Variants in TRPM5 observed in about 807,000 individuals in gnomAD.
The protein encoded by TRPM5 is transient receptor potential cation channel subfamily M member 5.
TRPM5 carries 121 observed loss-of-function variants against 124.9 expected under a neutral mutation model. That is an observed-to-expected ratio of 0.97 (90% CI 0.84 to 1.13). TRPM5 has a LOEUF of 1.13. TRPM5 is among the 50% of genes most tolerant of loss of function. The pLI, the probability that TRPM5 is intolerant of heterozygous loss-of-function variation, is 0.00. For missense variants in TRPM5, 1,643 were observed against 1,589.1 expected (o/e 1.03, Z -0.58); for synonymous variants, 781 against 700.5 (o/e 1.11, Z -1.81).
upstream of TRPM5, among the ~76,000 whole-genome samples, chr11:2,426,559 G>T (rs999225850): frequency 1.3e-5 from 2 of 152,064 alleles, no homozygotes; most frequent in Non-Finnish European, 2.9e-5. Context: ...CGGTGAAGGC[G>T]CTGGGGCTCC....
Position 2,412,825 on chromosome 11 carries a change from G to A in TRPM5, c.2284C>T (p.Gln762Ter), listed in dbSNP as rs927289304. The change falls in exon 15 of 24, where the codon CAG becomes TAG. Residue 762 changes from glutamine (Q) to a stop codon, truncating the protein, a stop_gained. Coordinates refer to ENST00000155858, the Ensembl canonical transcript of TRPM5. LOFTEE classifies it high-confidence loss of function. The stretch of plus-strand genomic sequence containing the variant: ...GTGACCTCGGGCCCTGAGGGGCCCT[G>A]GGGGGGCGGCCTGAAGTCCACCAGC... 9.4e-6 allele frequency: 15 copies of A among 1,603,130 alleles called. No individual in the cohort carries two copies. Among genetic ancestry groups the A allele is most frequent in the Non-Finnish European group, 1.3e-5 (15 of 1,175,400 alleles).
chr11:2,436,902 C>G, the TRPM5 span, among the ~76,000 whole-genome samples: 3 of 152,334 alleles, frequency 2.0e-5, no homozygotes, highest in Middle Eastern at 3.4e-3. Flanking sequence ...GCCAGAAGCA[C>G]CCCGCTCGCC....
chr11:2,411,773 G>T lies in TRPM5; in HGVS notation c.2475-6C>A, dbSNP rs752223337. On this transcript the variant is annotated splice_polypyrimidine_tract_variant and splice_region_variant and intron_variant, in intron 16 of 23. Transcript: ENST00000155858. Reference sequence around the variant, plus strand: ...CAAACGCCGACGGCAGCATCCTGGAGGATGGGAGGCTGATGCGGCTGCGGG... The same window carrying T: ...CAAACGCCGACGGCAGCATCCTGGATGATGGGAGGCTGATGCGGCTGCGGG... The T allele has an allele frequency of 1.2e-6, 2 of 1,612,416 alleles. No homozygotes were observed. Among genetic ancestry groups the T allele is most frequent in the East Asian group, 2.2e-5 (1 of 44,862 alleles).
At chr11:2,425,674 C>T (rs80194575), upstream of TRPM5, among the ~76,000 whole-genome samples, 1 of 99,830 alleles carries the variant, frequency 1.0e-5, no homozygotes, top group Non-Finnish European at 2.1e-5. Context: ...TTCACTCCCA[C>T]CAGGCCCTGC....
intron 16 of TRPM5, 130 bp downstream of exon 21, chr11:2,412,005 G>T: frequency 2.1e-6 from 2 of 939,490 alleles, no homozygotes; most frequent in South Asian, 1.5e-5. Flanking sequence ...TGGCTCAAGT[G>T]ACCCACCCAC....
intron 22 of TRPM5, 34 bp downstream of exon 27, chr11:2,405,985 C>A (rs368315684): frequency 1.9e-6 from 3 of 1,591,788 alleles, no homozygotes; most frequent in Non-Finnish European, 2.6e-6. Flanking sequence ...CCACCCGCCT[C>A]CCATCAGGGA....
At chr11:2,415,279 G>C in exon 9 of TRPM5, 1 of 1,574,812 alleles carries the variant, frequency 6.3e-7, no homozygotes, top group Non-Finnish European at 8.6e-7. Context: ...GCCAGCGTCA[G>C]CCGGGCCTCC....
At chr11:2,407,147 C>A in exon 20 of TRPM5, 3 of 1,608,130 alleles carry the variant, frequency 1.9e-6, no homozygotes, top group Non-Finnish European at 2.5e-6. Flanking sequence ...GCTCAGCCTC[C>A]TTCTTGAAGA....
rs1412000184 is a variant in TRPM5 at position 2,418,152 on chromosome 11, G to C, written c.906+15C>G. On this transcript the variant is annotated intron_variant, in intron 6 of 23. Transcript: ENST00000155858. Reference sequence around the variant, plus strand: ...GAGGAGGGGTCGGGAGGACAGGGGAGGGGGCAGCACATACCAGCTTGGTCC... The same window carrying C: ...GAGGAGGGGTCGGGAGGACAGGGGACGGGGCAGCACATACCAGCTTGGTCC... 3.9e-6 allele frequency: 6 copies of C among 1,537,120 alleles called. No homozygotes were observed. The highest frequency in any genetic ancestry group is 5.3e-6 in the Non-Finnish European group (6 of 1,132,598).
intron 7 of TRPM5, 21 bp downstream of exon 12, chr11:2,417,706 G>GGGC: frequency 1.0e-5 from 11 of 1,087,290 alleles, no homozygotes; most frequent in East Asian, 2.5e-5. Flanking sequence ...CGCCTGCCTT[G>GGGC]CCCACCCTGC....
intron 3 of TRPM5, 154 bp downstream of exon 8, chr11:2,420,878 C>T (rs1845762722): frequency 2.3e-6 from 2 of 881,418 alleles, no homozygotes; most frequent in Non-Finnish European, 3.3e-6. Context: ...CTATGCGGTA[C>T]TGCCACCTGC....
intron 18 of TRPM5, among the ~76,000 whole-genome samples, chr11:2,409,805 G>A (rs895479132): frequency 3.9e-5 from 6 of 152,210 alleles, no homozygotes; most frequent in South Asian, 2.1e-4. Flanking sequence ...TGTTGCAGGC[G>A]TTTCAGCACG....
intron 15 of TRPM5, 53 bp from the exon 21 acceptor site, chr11:2,412,306 G>T: frequency 7.2e-7 from 1 of 1,393,512 alleles, no homozygotes; most frequent in Non-Finnish European, 1.0e-6. Flanking sequence ...CCTCGCTGGG[G>T]ACAGCCCTAC....
At chr11:2,413,622 T>A in intron 12 of TRPM5, 34 bp from the exon 18 acceptor site, 2 of 1,585,396 alleles carry the variant, frequency 1.3e-6, no homozygotes, top group Non-Finnish European at 1.7e-6. Context: ...GCTCCAACTC[T>A]GCACCTTTGC....
downstream of TRPM5, among the ~76,000 whole-genome samples, chr11:2,404,165 C>G (rs1850265709): frequency 6.6e-6 from 1 of 152,196 alleles, no homozygotes; most frequent in African/African-American, 2.4e-5. Flanking sequence ...CTAGTGCAGA[C>G]CACAGCTTGG....
chr11:2,406,869 G>A (rs1047464340), intron 20 of TRPM5, 76 bp from the exon 26 acceptor site: 137 of 1,537,312 alleles, frequency 8.9e-5, no homozygotes, highest in Non-Finnish European at 1.2e-4. Flanking sequence ...TGGTCCCGGG[G>A]CGAGGTGGGC....
upstream of TRPM5, among the ~76,000 whole-genome samples, chr11:2,426,718 C>T (rs144562879): frequency 2.6e-3 from 392 of 152,300 alleles, 1 homozygote; most frequent in Non-Finnish European, 4.5e-3. Context: ...TGGGCAGGTC[C>T]CTCAGCCTCC....
At position 2,421,959 on chromosome 11, in the gene TRPM5, A is replaced by G. The variant is rs144694567; in HGVS notation, c.298+182T>C. Among the ~76,000 whole-genome samples the G allele has an allele frequency of 7.9e-4, 114 of 143,510 alleles. 1 individual carries two copies. Among genetic ancestry groups the G allele is most frequent in the African/African-American group, 2.9e-3 (110 of 38,032 alleles). 94.1% of individuals were successfully genotyped at this position (143,510 alleles called of 152,430 possible). On this transcript the variant is annotated intron_variant, in intron 2 of 23. Transcript: ENST00000155858. ...GGGAAATGTTCTCGTGATGGCCTGG[A>G]GAGTCAGGGGGTCTGGCTGCCGTGT...
At chr11:2,416,509 C>T (rs931448131) in intron 7 of TRPM5, among the ~76,000 whole-genome samples, 15 of 152,304 alleles carry the variant, frequency 9.8e-5, no homozygotes, top group South Asian at 8.3e-4. Context: ...CAGACTCGCA[C>T]GTGAGGCTCA....
Sources: allele counts gnomAD v4.1 joint callset (sites outside exome capture counted in the v4.1 genomes callset), GRCh38; gene constraint gnomAD v4.1.1; transcripts MANE v1.5; gene names NCBI Gene and HGNC (gene_info 2026-07-23, HGNC 2026-07-21).